SDK1: variants seen among roughly 807,000 people sequenced by gnomAD.
SDK1 encodes sidekick cell adhesion molecule 1.
Under a neutral mutation model 245.5 loss-of-function variants are expected in SDK1, and 157 were observed. The ratio of observed to expected loss-of-function variants is 0.64; its 90% CI spans 0.56 to 0.73. The LOEUF is 0.73. Ranked by LOEUF, SDK1 falls within the 30% of genes least tolerant of loss-of-function variation. The probability of loss-of-function intolerance (pLI) is 0.00; values close to 1 mark genes in which losing one functional copy is unlikely to be tolerated. For missense variants in SDK1, 3,583 were observed against 3,002.3 expected (o/e 1.19, Z -4.52); for synonymous variants, 1,647 against 1,278.5 (o/e 1.29, Z -6.15).
intron 1 of SDK1, among the ~76,000 whole-genome samples, chr7:3,529,511 G>A (rs1021422463): frequency 2.0e-5 from 3 of 152,298 alleles, no homozygotes; most frequent in East Asian, 3.9e-4. Context: ...AAATGATGGC[G>A]ATGGATATAC....
chr7:4,107,360 C>T (rs528828116), intron 22 of SDK1, among the ~76,000 whole-genome samples: 57 of 152,264 alleles, frequency 3.7e-4, no homozygotes, highest in Middle Eastern at 3.4e-3. Context: ...CACTTGGCAC[C>T]GTGAGCTACG....
At chr7:3,457,619 G>C (rs1020876052) in intron 1 of SDK1, among the ~76,000 whole-genome samples, 1 of 152,144 alleles carries the variant, frequency 6.6e-6, no homozygotes, top group Non-Finnish European at 1.5e-5. Context: ...TCTCTAAACT[G>C]TATGAATTTC....
intron 4 of SDK1, among the ~76,000 whole-genome samples, chr7:3,715,938 AAAG>A (rs946464037): frequency 1.4e-4 from 21 of 152,220 alleles, no homozygotes; most frequent in African/African-American, 4.6e-4. Context: ...AAATCTCAGC[AAAG>A]AAGAAGAAAT....
At chr7:4,081,271 C>T (rs754786708) in intron 22 of SDK1, among the ~76,000 whole-genome samples, 1 of 152,276 alleles carries the variant, frequency 6.6e-6, no homozygotes, top group Non-Finnish European at 1.5e-5. Flanking sequence ...TTGCCCAGAA[C>T]TTGGGCAACG....
chr7:4,077,325 G>T, intron 21 of SDK1, 136 bp downstream of exon 21: 1 of 820,874 alleles, frequency 1.2e-6, no homozygotes, highest in South Asian at 1.7e-5. Flanking sequence ...CCAAGATGCT[G>T]GAGGGTAAAT....
chr7:3,611,859 C>G lies in SDK1; in HGVS notation c.299-7221C>G, dbSNP rs182772783. ...TTGTGGTGATGGGGTGAAAAGGGAACACTTTTACACTGGTGGTGAGAATGT... is the reference window on the plus strand; with the variant it reads ...TTGTGGTGATGGGGTGAAAAGGGAAGACTTTTACACTGGTGGTGAGAATGT... On this transcript the variant is annotated intron_variant, in intron 1 of 44. Transcript: ENST00000404826. 9.9e-5 allele frequency among the ~76,000 whole-genome samples: 15 copies of G among 152,176 alleles called. No individual in the cohort carries two copies. In the East Asian group the frequency reaches 2.9e-3, roughly 30 times the overall value.
At chr7:3,639,302 C>G (rs1782572091) in intron 3 of SDK1, among the ~76,000 whole-genome samples, 192 bp downstream of exon 3, 1 of 152,114 alleles carries the variant, frequency 6.6e-6, no homozygotes, top group Admixed American at 6.5e-5. Context: ...GCTGTTGAGG[C>G]AAAGGGCACT....
chr7:3,832,434 CGATGTTCTTTT>C (rs1779935626), intron 5 of SDK1, among the ~76,000 whole-genome samples: 1 of 152,040 alleles, frequency 6.6e-6, no homozygotes. Flanking sequence ...TCATTGTAAA[CGATGTTCTTTT>C]GGCTCTTGTA....
chr7:4,189,094 G>A (rs557211398), intron 35 of SDK1, among the ~76,000 whole-genome samples: 8 of 152,216 alleles, frequency 5.3e-5, no homozygotes, highest in Admixed American at 1.3e-4. Context: ...TGATGGAAAC[G>A]TATTAAATAG....
At chr7:3,875,837 G>C (rs966171894) in intron 5 of SDK1, among the ~76,000 whole-genome samples, 2 of 152,068 alleles carry the variant, frequency 1.3e-5, no homozygotes, top group East Asian at 3.9e-4. Context: ...CCACCTTCAG[G>C]CCCCTTAATA....
intron 22 of SDK1, among the ~76,000 whole-genome samples, chr7:4,085,206 A>G (rs1781352928): frequency 6.6e-6 from 1 of 152,224 alleles, no homozygotes; most frequent in African/African-American, 2.4e-5. Flanking sequence ...TCTTACTTAT[A>G]TGAAAACTTT....
intron 1 of SDK1, among the ~76,000 whole-genome samples, chr7:3,386,273 G>A (rs1234840770): frequency 6.6e-6 from 1 of 152,168 alleles, no homozygotes; most frequent in Non-Finnish European, 1.5e-5. Context: ...TCTATTAGAA[G>A]TTTGGGTTTG....
chr7:3,598,351 C>G (rs1447698195), intron 1 of SDK1, among the ~76,000 whole-genome samples: 1 of 152,152 alleles, frequency 6.6e-6, no homozygotes, highest in Non-Finnish European at 1.5e-5. Flanking sequence ...CTGTGGCTTT[C>G]TTATTCAACT....
At chr7:3,463,539 A>G (rs1289060937) in intron 1 of SDK1, among the ~76,000 whole-genome samples, 1 of 112,996 alleles carries the variant, frequency 8.8e-6, no homozygotes, top group Non-Finnish European at 1.7e-5. Context: ...AAAAGTGCAT[A>G]ATTTAGTGCC....
chr7:3,845,722 A>G (rs1780261692), intron 5 of SDK1, among the ~76,000 whole-genome samples: 2 of 151,096 alleles, frequency 1.3e-5, no homozygotes, highest in Non-Finnish European at 2.9e-5. Context: ...AATGCAGCCT[A>G]GTCAATTAAA....
chr7:3,858,090 G>T (rs1186346858), intron 5 of SDK1, among the ~76,000 whole-genome samples: 1 of 152,058 alleles, frequency 6.6e-6, no homozygotes, highest in Non-Finnish European at 1.5e-5. Context: ...AATAATGAAT[G>T]GTTTAAACCA....
At position 3,666,068 on chromosome 7, in the gene SDK1, C is replaced by T. The variant is rs149136781; in HGVS notation, c.713+23963C>T. 8.2e-3 allele frequency among the ~76,000 whole-genome samples: 1,256 copies of T among 152,312 alleles called. 15 individuals carry two copies. Among genetic ancestry groups the T allele is most frequent in the African/African-American group, 0.029 (1,202 of 41,568 alleles). ...TTCTGCTTAGATTCCTGCAGGAAAT[C>T]TCAGCTGATCTCCAAGTATCCAGCT... On this transcript the variant is annotated intron_variant, in intron 4 of 44. Transcript: ENST00000404826.
At chr7:3,772,429 A>G (rs1780429722) in intron 4 of SDK1, among the ~76,000 whole-genome samples, 1 of 152,198 alleles carries the variant, frequency 6.6e-6, no homozygotes, top group African/African-American at 2.4e-5. Context: ...ACAAAATCAC[A>G]TACACGATAC....
chr7:3,696,771 TTAAA>T (rs1380535995), intron 4 of SDK1, among the ~76,000 whole-genome samples: 2 of 152,110 alleles, frequency 1.3e-5, no homozygotes, highest in African/African-American at 2.4e-5. Context: ...AGTTCTTATA[TTAAA>T]TAGTGTATTG....
Sources: allele counts gnomAD v4.1 joint callset (sites outside exome capture counted in the v4.1 genomes callset), GRCh38; gene constraint gnomAD v4.1.1; transcripts MANE v1.5; gene names NCBI Gene and HGNC (gene_info 2026-07-23, HGNC 2026-07-21).